CIP2A: variants seen among roughly 807,000 people sequenced by gnomAD.
CIP2A encodes the protein cellular inhibitor of PP2A, also known as protein CIP2A.
In CIP2A, 103 loss-of-function variants were observed where a neutral mutation model predicts 110.9. That is an observed-to-expected ratio of 0.93 (90% CI 0.79 to 1.09). The LOEUF (loss-of-function observed/expected upper bound fraction) is 1.09. Among genes scored for constraint, CIP2A ranks in the 50% least tolerant of loss-of-function variants. The pLI, the probability that CIP2A is intolerant of heterozygous loss-of-function variation, is 0.00. For synonymous variants in CIP2A, 381 were observed against 361.6 expected (o/e 1.05, Z -0.61); for missense variants, 1,088 against 1,038.4 (o/e 1.05, Z -0.66).
chr3:108,563,297 G>C, intron 12 of CIP2A, 53 bp from the exon 13 acceptor site: 1 of 1,054,494 alleles, frequency 9.5e-7, no homozygotes, highest in Non-Finnish European at 1.5e-6. Flanking sequence ...AACAATGTCA[G>C]CTCTTTTAGA....
In CIP2A at chr3:108,560,806, C is replaced by T. The variant is rs778161806; in HGVS notation, c.1670G>A (p.Arg557Lys). The T allele has an allele frequency of 9.9e-6, 16 of 1,608,468 alleles. 1 individual carries two copies. In the South Asian group the frequency reaches 1.8e-4, roughly 18 times the overall value. ...GESIAANNAY[R>K]QQETEHIPRK... is the part of the protein sequence containing the mutation. ...GGGTATATGTTCTGTTTCCTGTTGT[C>T]TATAGGCATTGTTTGCTGCTATACT... Residue 557 changes from arginine (R) to lysine (K), a missense_variant, in exon 14 of 21, where the codon AGA becomes AAA. Physicochemically the swap from Arg to Lys is conservative, Grantham distance 26. Coordinates refer to ENST00000295746, the MANE Select transcript of CIP2A (RefSeq NM_020890.3).
At chr3:108,573,459 A>AT (rs897554876) in intron 8 of CIP2A, among the ~76,000 whole-genome samples, 1 of 151,324 alleles carries the variant, frequency 6.6e-6, no homozygotes, top group African/African-American at 2.4e-5. Context: ...ATTTATTTTT[A>AT]TTTTTTTACT....
intron 8 of CIP2A, among the ~76,000 whole-genome samples, chr3:108,572,225 T>C (rs184308546): frequency 3.9e-5 from 6 of 152,182 alleles, no homozygotes; most frequent in Admixed American, 1.3e-4. Context: ...TCTTACTGTA[T>C]AGTTAGTGCT....
chr3:108,589,081 G>C (rs1426747329), intron 1 of CIP2A, among the ~76,000 whole-genome samples, 193 bp downstream of exon 1: 1 of 152,206 alleles, frequency 6.6e-6, no homozygotes, highest in Non-Finnish European at 1.5e-5. Context: ...AGAGCCTTCA[G>C]TGAGCGCTCT....
chr3:108,563,377 T>C (rs539495504), intron 12 of CIP2A, 133 bp from the exon 13 acceptor site: 4 of 645,558 alleles, frequency 6.2e-6, no homozygotes, highest in South Asian at 1.9e-5. Flanking sequence ...TGTTTGAATA[T>C]ATTATAGTCT....
rs950971352 is a variant in CIP2A, at chr3:108,550,044, A to C, written c.*1105T>G. On this transcript the variant is annotated 3_prime_UTR_variant, in exon 21 of 21. Transcript: ENST00000295746. ...TTTTAAAAAATTTCCAGAACTGTAC[A>C]AATCTAAATTCACTTAAATCAAACA... 2.6e-5 allele frequency: 4 copies of C among 151,982 alleles called. No individual in the cohort carries two copies. The highest frequency in any genetic ancestry group is 9.7e-5 in the African/African-American group (4 of 41,436). The allele number at this position is 151,982 out of a possible 1,614,324, so 9.4% of individuals were successfully genotyped here. A position where few individuals can be genotyped will look rare whatever the true frequency, so the allele number is the denominator to read the frequency against.
At chr3:108,581,657 A>C (rs1938885702) in intron 4 of CIP2A, 146 bp from the exon 5 acceptor site, 11 of 590,600 alleles carry the variant, frequency 1.9e-5, no homozygotes, top group Admixed American at 6.0e-5. Context: ...TTAACATAAG[A>C]AGCCAGGGAA....
At chr3:108,570,806 A>T (rs1306588288) in intron 8 of CIP2A, among the ~76,000 whole-genome samples, 2 of 152,120 alleles carry the variant, frequency 1.3e-5, no homozygotes, top group Non-Finnish European at 2.9e-5. Flanking sequence ...ACTATTTTTT[A>T]AAATTTCTCT....
chr3:108,565,397 T>C lies in CIP2A; in HGVS notation c.1473A>G (p.Pro491=). ...KTLDLINKLK[P]LVPGMEVSFY... is the part of the protein sequence containing the mutation. ...AGCTTACTTCCATACCAGGAACCAA[T>C]GGTTTAAGTTTGTTAATCAAATCAA... The change falls in exon 12 of 21, where the codon CCA becomes CCG. Residue 491 remains proline, a synonymous_variant. Transcript: ENST00000295746. 2 of 1,601,828 alleles carry C rather than the reference T, an allele frequency of 1.2e-6. No homozygotes were observed. The highest frequency in any genetic ancestry group is 1.7e-6 in the Non-Finnish European group (2 of 1,173,504).
intron 2 of CIP2A, among the ~76,000 whole-genome samples, chr3:108,584,245 C>T (rs982184692): frequency 3.9e-5 from 6 of 152,136 alleles, no homozygotes; most frequent in African/African-American, 1.4e-4. Context: ...AATTAAGGCA[C>T]TAGGCAGCTA....
chr3:108,551,371 T>A (rs376630838), intron 20 of CIP2A, 52 bp from the exon 21 acceptor site: 2 of 1,359,524 alleles, frequency 1.5e-6, no homozygotes, highest in Non-Finnish European at 2.0e-6. Context: ...AAAATAACTT[T>A]AATGTTTTCT....
intron 17 of CIP2A, among the ~76,000 whole-genome samples, chr3:108,556,119 G>A (rs1937794308): frequency 6.6e-6 from 1 of 152,060 alleles, no homozygotes; most frequent in African/African-American, 2.4e-5. Context: ...CAAACAATCA[G>A]ACTTTGTAAA....
chr3:108,557,146 G>C, intron 17 of CIP2A, 72 bp downstream of exon 17: 6 of 928,700 alleles, frequency 6.5e-6, no homozygotes, highest in Admixed American at 2.4e-5. Context: ...AAGGATTTTC[G>C]GGTCTCAGAA....
In CIP2A at chr3:108,569,519, C is replaced by T. The variant is rs1397066181; in HGVS notation, c.983G>A (p.Ser328Asn). 6.2e-7 allele frequency: 1 copy of T among 1,612,792 alleles called. No homozygotes were observed. The highest frequency in any genetic ancestry group is 8.5e-7 in the Non-Finnish European group (1 of 1,179,320). The change falls in exon 9 of 21, where the codon AGC (serine) becomes AAC (asparagine). Residue 328 changes from serine (S) to asparagine (N), a missense_variant. Transcript: ENST00000295746. ...QMMFEQSPPG[S>N]ATLGSHTKCL... Reference sequence around the variant, plus strand: ...TTTAGTATGGCTTCCCAGAGTGGCGCTGCCAGGTGGAGACTGTTCAAACAT... The same window carrying T: ...TTTAGTATGGCTTCCCAGAGTGGCGTTGCCAGGTGGAGACTGTTCAAACAT...
intron 19 of CIP2A, 76 bp from the exon 20 acceptor site, chr3:108,552,449 G>A: frequency 2.4e-6 from 2 of 847,390 alleles, no homozygotes; most frequent in Non-Finnish European, 3.4e-6. Context: ...AGTAGCTACT[G>A]TAAGAGCAAA....
intron 4 of CIP2A, among the ~76,000 whole-genome samples, 153 bp from the exon 5 acceptor site, chr3:108,581,664 G>T (rs2107366650): frequency 6.6e-6 from 1 of 152,022 alleles, no homozygotes; most frequent in South Asian, 2.1e-4. Context: ...AAGAAGCCAG[G>T]GAAGCTTTGA....
chr3:108,556,049 T>C (rs1274607392), intron 17 of CIP2A, among the ~76,000 whole-genome samples: 1 of 152,196 alleles, frequency 6.6e-6, no homozygotes, highest in Non-Finnish European at 1.5e-5. Flanking sequence ...ACGTATTTTC[T>C]TCACTGCTGA....
chr3:108,578,273 A>T (rs1938749589), intron 7 of CIP2A, among the ~76,000 whole-genome samples: 1 of 152,222 alleles, frequency 6.6e-6, no homozygotes, highest in Non-Finnish European at 1.5e-5. Context: ...ATGCTGAATA[A>T]GCACTATCTG....
chr3:108,588,971 A>G (rs1389155347), intron 1 of CIP2A, among the ~76,000 whole-genome samples: 3 of 152,198 alleles, frequency 2.0e-5, no homozygotes, highest in Non-Finnish European at 4.4e-5. Flanking sequence ...AGAAAAACCA[A>G]AACTAGAAGC....
Sources: gnomAD v4.1 joint callset for allele counts (sites outside exome capture counted in the v4.1 genomes callset) on GRCh38, gnomAD v4.1.1 for gene constraint, MANE v1.5 for transcripts, NCBI Gene and HGNC (gene_info 2026-07-23, HGNC 2026-07-21) for gene names.